Variants in FHIT observed in about 807,000 individuals in gnomAD.
FHIT encodes bis(5'-adenosyl)-triphosphatase.
Under a neutral mutation model 17.9 loss-of-function variants are expected in FHIT, and 19 were observed. The observed-to-expected ratio is 1.06, with a 90% CI of 0.74 to 1.56. The LOEUF (loss-of-function observed/expected upper bound fraction) is 1.56. Among genes scored for constraint, FHIT ranks in the 40% most tolerant of loss-of-function variants. The probability of loss-of-function intolerance (pLI) is 0.00; values close to 1 mark genes in which losing one functional copy is unlikely to be tolerated. For synonymous variants in FHIT, 81 were observed against 69.7 expected (o/e 1.16, Z -0.81); for missense variants, 248 against 189.2 (o/e 1.31, Z -1.82).
At chr3:59,803,081 A>G (rs994449390) in intron 8 of FHIT, among the ~76,000 whole-genome samples, 1 of 152,060 alleles carries the variant, frequency 6.6e-6, no homozygotes, top group Non-Finnish European at 1.5e-5. Flanking sequence ...CACGGGATGA[A>G]TGTTGGTTGA....
At chr3:60,276,053 T>C (rs1707115510) in intron 5 of FHIT, among the ~76,000 whole-genome samples, 1 of 151,636 alleles carries the variant, frequency 6.6e-6, no homozygotes, top group Non-Finnish European at 1.5e-5. Flanking sequence ...AGTGGCATGA[T>C]CTCGGCTCAC....
chr3:61,036,901 G>GTTTTTTTTTTGTTTTTTTTTTTTTTTT (rs2033269178), intron 3 of FHIT, among the ~76,000 whole-genome samples: 3 of 70,322 alleles, frequency 4.3e-5, no homozygotes, highest in African/African-American at 9.6e-5. Flanking sequence ...AGTCTGCTTT[G>GTTTTTTTTTTGTTTTTTTTTTTTTTTT]TTTTTTTTTT....
At chr3:60,278,369 C>T (rs1320840030) in intron 5 of FHIT, among the ~76,000 whole-genome samples, 3 of 152,160 alleles carry the variant, frequency 2.0e-5, no homozygotes, top group African/African-American at 7.2e-5. Flanking sequence ...GGCAATTAGT[C>T]CCCTCCAGAC....
At chr3:60,445,036 C>T (rs1285614867) in intron 5 of FHIT, among the ~76,000 whole-genome samples, 1 of 152,070 alleles carries the variant, frequency 6.6e-6, no homozygotes. Flanking sequence ...GCACTATGGC[C>T]TCACCACAGA....
At chr3:60,967,481 G>T (rs1478718113) in intron 3 of FHIT, among the ~76,000 whole-genome samples, 1 of 152,168 alleles carries the variant, frequency 6.6e-6, no homozygotes, top group African/African-American at 2.4e-5. Context: ...CCAAGTTGAT[G>T]ACTCTTTGAA....
At chr3:61,154,926 C>T (rs936799404) in intron 2 of FHIT, among the ~76,000 whole-genome samples, 1 of 152,182 alleles carries the variant, frequency 6.6e-6, no homozygotes, top group Non-Finnish European at 1.5e-5. Flanking sequence ...AAAGCTAGTT[C>T]ACATCATCTC....
rs1240776824 is a variant in FHIT, at chr3:60,955,631, T to TACAC, written c.-111+86415_-111+86416insGTGT. Among the ~76,000 whole-genome samples the TACAC allele has an allele frequency of 1.7e-3, 77 of 46,574 alleles. 2 individuals are homozygous for TACAC. Among genetic ancestry groups the TACAC allele is most frequent in the African/African-American group, 6.5e-3 (74 of 11,468 alleles). The allele number at this position is 46,574 out of a possible 152,430, so 30.6% of individuals were successfully genotyped here. ...ATATATATATATATATATATATATATATACACACACACACATATATACATG... is the reference window on the plus strand; with the variant it reads ...ATATATATATATATATATATATATATACACATACACACACACACATATATACATG... On this transcript the variant is annotated intron_variant, in intron 3 of 9. Coordinates refer to ENST00000492590, the MANE Select transcript of FHIT (RefSeq NM_002012.4).
rs559989976 is a variant in FHIT at position 60,860,405 on chromosome 3, C to T, written c.-110-38394G>A. ...TGACATACATCATATGTATATATGACATACATCATATGTATATATGATACA... is the reference window on the plus strand; with the variant it reads ...TGACATACATCATATGTATATATGATATACATCATATGTATATATGATACA... On this transcript the variant is annotated intron_variant, in intron 3 of 9. Coordinates refer to ENST00000492590, the MANE Select transcript of FHIT (RefSeq NM_002012.4). 2.2e-5 allele frequency among the ~76,000 whole-genome samples: 3 copies of T among 135,668 alleles called. 1 individual carries two copies. The Admixed American group carries it at 2.2e-4, about 10-fold the overall frequency. The allele number at this position is 135,668 out of a possible 152,430, so 89.0% of individuals were successfully genotyped here.
chr3:61,236,123 T>C (rs4458366), intron 1 of FHIT, among the ~76,000 whole-genome samples: 11,592 of 150,000 alleles, frequency 0.077, 1,109 homozygotes, highest in East Asian at 0.41. Context: ...GATATAAATA[T>C]AGTATGTAAC....
At chr3:60,899,314 CTG>C (rs1361246431) in intron 3 of FHIT, among the ~76,000 whole-genome samples, 9 of 152,160 alleles carry the variant, frequency 5.9e-5, no homozygotes, top group Non-Finnish European at 1.3e-4. Flanking sequence ...TTTACACTTC[CTG>C]TGAAATTAAT....
At chr3:61,210,282 A>C (rs71296711) in intron 1 of FHIT, among the ~76,000 whole-genome samples, 65,610 of 152,040 alleles carry the variant, frequency 0.43, 14,548 homozygotes, top group East Asian at 0.58. Context: ...CAGTCTGCCC[A>C]TTCTCAGATC....
At chr3:60,731,335 G>C (rs1381398492) in intron 4 of FHIT, among the ~76,000 whole-genome samples, 4 of 152,156 alleles carry the variant, frequency 2.6e-5, no homozygotes, top group African/African-American at 9.7e-5. Context: ...GCAAGTTTTA[G>C]AGCAGGAGTG....
At chr3:61,209,864 T>C (rs1219152931) in intron 1 of FHIT, among the ~76,000 whole-genome samples, 1 of 152,260 alleles carries the variant, frequency 6.6e-6, no homozygotes, top group Admixed American at 6.5e-5. Flanking sequence ...AGGAGCTGCG[T>C]TCCTTTGGAG....
At chr3:60,224,583 G>A (rs953312295) in intron 5 of FHIT, among the ~76,000 whole-genome samples, 9 of 152,036 alleles carry the variant, frequency 5.9e-5, no homozygotes, top group African/African-American at 1.2e-4. Context: ...GCTGCCTGAC[G>A]TACTGATTAT....
intron 7 of FHIT, among the ~76,000 whole-genome samples, chr3:60,006,788 A>T (rs931530355): frequency 6.6e-6 from 1 of 152,194 alleles, no homozygotes; most frequent in African/African-American, 2.4e-5. Context: ...ACTAGACTTA[A>T]TTAAGAGATA....
At chr3:60,813,979 T>C (rs2106729070) in intron 4 of FHIT, among the ~76,000 whole-genome samples, 1 of 152,328 alleles carries the variant, frequency 6.6e-6, no homozygotes, top group Admixed American at 6.5e-5. Flanking sequence ...TCTGTGTTTT[T>C]TTATTTAAAG....
chr3:60,379,664 A>G (rs1288418214), intron 5 of FHIT, among the ~76,000 whole-genome samples: 2 of 152,210 alleles, frequency 1.3e-5, no homozygotes, highest in South Asian at 2.1e-4. Flanking sequence ...ACAGTTTTGT[A>G]TAATCAGACA....
chr3:60,154,404 A>G (rs1700594714), intron 5 of FHIT, among the ~76,000 whole-genome samples: 1 of 152,226 alleles, frequency 6.6e-6, no homozygotes. Context: ...GAAATCAGTC[A>G]TGAAAGGTCA....
intron 4 of FHIT, among the ~76,000 whole-genome samples, chr3:60,671,776 C>CT (rs1229144623): frequency 1.9e-4 from 5 of 26,096 alleles, no homozygotes; most frequent in Non-Finnish European, 4.5e-4. Context: ...CCCATCTCTA[C>CT]TAAAAAAAAA....
Sources: allele counts gnomAD v4.1 joint callset (sites outside exome capture counted in the v4.1 genomes callset), GRCh38; gene constraint gnomAD v4.1.1; transcripts MANE v1.5; gene names NCBI Gene and HGNC (gene_info 2026-07-23, HGNC 2026-07-21).